The following LOC114841035 variants were observed in gnomAD, a reference collection of about 807,000 sequenced individuals.
chr11:64,243,633 C>G, the LOC114841035 span: 2 of 1,270,150 alleles, frequency 1.6e-6, no homozygotes, highest in South Asian at 1.3e-5. Flanking sequence ...TTGGCTGTGT[C>G]TAGCAGTGAG....
chr11:64,241,399 G>GCGGGGGGCGGAGCTAGGAGGGT, the LOC114841035 span, among the ~76,000 whole-genome samples: 1 of 151,940 alleles, frequency 6.6e-6, no homozygotes, highest in Non-Finnish European at 1.5e-5. Context: ...GAGCCCGGCG[G>GCGGGGGGCGGAGCTAGGAGGGT]CGGGGGGCGG....
At chr11:64,242,233 C>T in the LOC114841035 span, 1 of 728,830 alleles carries the variant, frequency 1.4e-6, no homozygotes, top group Non-Finnish European at 2.0e-6. Flanking sequence ...GCCCCGGAGC[C>T]CGGGGGAGAG....
At chr11:64,243,994 G>C in the LOC114841035 span, 1 of 1,614,024 alleles carries the variant, frequency 6.2e-7, no homozygotes, top group African/African-American at 1.3e-5. Context: ...GTTCGAGGTG[G>C]AGCTGCTCAA....
the LOC114841035 span, chr11:64,243,891 G>C: frequency 6.2e-7 from 1 of 1,614,056 alleles, no homozygotes; most frequent in Non-Finnish European, 8.5e-7. Context: ...TAAACCTTTT[G>C]ATACCTCCCA....
chr11:64,243,842 G>A, the LOC114841035 span: 3 of 1,614,142 alleles, frequency 1.9e-6, no homozygotes, highest in Non-Finnish European at 2.5e-6. Context: ...CTTCAACAGG[G>A]TATGGAGAGC....
chr11:64,244,092 AC>A, the LOC114841035 span: 2 of 1,556,148 alleles, frequency 1.3e-6, no homozygotes, highest in Non-Finnish European at 1.8e-6. Flanking sequence ...CAAAAAAAAA[AC>A]AAAAAACAAA....
At chr11:64,243,117 C>A in the LOC114841035 span, 1 of 1,277,492 alleles carries the variant, frequency 7.8e-7, no homozygotes. Flanking sequence ...CGTGGGGGGG[C>A]AGCTTGATGG....
the LOC114841035 span, among the ~76,000 whole-genome samples, chr11:64,242,722 G>A: frequency 1.3e-5 from 2 of 152,200 alleles, no homozygotes; most frequent in African/African-American, 4.8e-5. Context: ...CTACTGCCCA[G>A]GTGGGCACCA....
At chr11:64,241,760 G>C in the LOC114841035 span, 1 of 152,504 alleles carries the variant, frequency 6.6e-6, no homozygotes, top group Non-Finnish European at 1.5e-5. Context: ...GGTGTGGGTG[G>C]AGCGGGCTCG....
the LOC114841035 span, among the ~76,000 whole-genome samples, chr11:64,242,975 G>T: frequency 6.6e-6 from 1 of 152,246 alleles, no homozygotes; most frequent in South Asian, 2.1e-4. Flanking sequence ...GGGAGGCTGA[G>T]GTGGAAGAAT....
the LOC114841035 span, chr11:64,243,973 G>A: frequency 6.2e-7 from 1 of 1,614,052 alleles, no homozygotes; most frequent in Non-Finnish European, 8.5e-7. Context: ...TACAGGTGGT[G>A]CAACCCTGGT....
the LOC114841035 span, chr11:64,242,408 G>T: frequency 6.5e-7 from 1 of 1,548,180 alleles, no homozygotes; most frequent in Non-Finnish European, 8.7e-7. Flanking sequence ...GCTGGTTCCG[G>T]GTCCTGACAG....
At chr11:64,242,248 G>T in the LOC114841035 span, 1 of 865,580 alleles carries the variant, frequency 1.2e-6, no homozygotes, top group East Asian at 3.3e-5. Flanking sequence ...GGAGAGGGCG[G>T]TGACCCGGGA....
the LOC114841035 span, chr11:64,243,367 A>G: frequency 6.2e-7 from 1 of 1,603,750 alleles, no homozygotes; most frequent in Non-Finnish European, 8.5e-7. Context: ...ACCGCCCAGG[A>G]GGTAAGCTGT....
At chr11:64,242,230 A>G in the LOC114841035 span, 2 of 682,862 alleles carry the variant, frequency 2.9e-6, no homozygotes, top group Non-Finnish European at 4.4e-6. Flanking sequence ...GTGGCCCCGG[A>G]GCCCGGGGGA....
the LOC114841035 span, chr11:64,243,232 A>G: frequency 6.2e-7 from 1 of 1,613,730 alleles, no homozygotes; most frequent in Non-Finnish European, 8.5e-7. Flanking sequence ...GTTTGACAGC[A>G]GCCTGCCCCA....
the LOC114841035 span, among the ~76,000 whole-genome samples, chr11:64,241,426 G>A: frequency 6.6e-6 from 1 of 151,976 alleles, no homozygotes; most frequent in Non-Finnish European, 1.5e-5. Context: ...GAGGGTCGGG[G>A]GACGGAGCCT....
chr11:64,242,487 G>C, the LOC114841035 span: 1 of 1,554,028 alleles, frequency 6.4e-7, no homozygotes, highest in Non-Finnish European at 8.6e-7. Flanking sequence ...GCTGCAGATC[G>C]GGGTCAAGAA....
the LOC114841035 span, chr11:64,243,831 T>C: frequency 1.2e-6 from 2 of 1,614,062 alleles, no homozygotes; most frequent in Non-Finnish European, 1.7e-6. Flanking sequence ...TCTTTGTGCA[T>C]CTTCAACAGG....
Sources: gnomAD v4.1 joint callset for allele counts (sites outside exome capture counted in the v4.1 genomes callset) on GRCh38, gnomAD v4.1.1 for gene constraint, MANE v1.5 for transcripts.